AP1M1: variants seen among roughly 807,000 people sequenced by gnomAD.
AP1M1 encodes the protein adaptor related protein complex 1 subunit mu 1, also known as AP-1 complex subunit mu-1.
Under a neutral mutation model 57.1 loss-of-function variants are expected in AP1M1, and 18 were observed. The ratio of observed to expected loss-of-function variants is 0.32; its 90% confidence interval spans 0.22 to 0.47. AP1M1 has a LOEUF of 0.47. Ranked by LOEUF, AP1M1 falls within the 20% of genes least tolerant of loss-of-function variation. The probability of loss-of-function intolerance (pLI) is 1.00; values close to 1 mark genes in which losing one functional copy is unlikely to be tolerated. For missense variants in AP1M1, 362 were observed against 593.5 expected (o/e 0.61, Z 4.05); for synonymous variants, 241 against 237.9 (o/e 1.01, Z -0.12).
chr19:16,217,727 C>T (rs1223237383), intron 5 of AP1M1, among the ~76,000 whole-genome samples: 1 of 152,142 alleles, frequency 6.6e-6, no homozygotes, highest in Non-Finnish European at 1.5e-5. Flanking sequence ...TGACAGTTCC[C>T]CTACGGCTAA....
In AP1M1 at chr19:16,234,925, C is replaced by CA. The variant is rs2091618642; in HGVS notation, c.*491dup. On this transcript the variant is annotated 3_prime_UTR_variant, in exon 12 of 12. Coordinates refer to ENST00000291439, the MANE Select transcript of AP1M1 (RefSeq NM_032493.4). ...CATTCGTTGCTGTTTGTGTTACCCTCACTGTCCCCATGTCCCACCCACGTC... is the reference window on the plus strand; with the variant it reads ...CATTCGTTGCTGTTTGTGTTACCCTCAACTGTCCCCATGTCCCACCCACGTC... 5.7e-6 allele frequency: 1 copy of CA among 175,070 alleles called. No homozygotes were observed. Among genetic ancestry groups the CA allele is most frequent in the Non-Finnish European group, 1.2e-5 (1 of 81,722 alleles). The allele number at this position is 175,070 out of a possible 1,614,324, so 10.8% of individuals were successfully genotyped here.
chr19:16,211,000 G>A (rs1013665607), intron 5 of AP1M1, among the ~76,000 whole-genome samples: 5 of 152,000 alleles, frequency 3.3e-5, no homozygotes, highest in Admixed American at 1.3e-4. Context: ...GTTGAGCCTT[G>A]ATAGTTCTTT....
At position 16,234,288 on chromosome 19, in the gene AP1M1, T is replaced by C. The variant is rs897774; in HGVS notation, c.1249+14T>C. The C allele has an allele frequency of 0.76, 1,230,163 of 1,612,836 alleles. 476,332 individuals are homozygous for C. The highest frequency in any genetic ancestry group is 0.8 in the Non-Finnish European group (945,936 of 1,179,354). On this transcript the variant is annotated intron_variant, in intron 11 of 11. Coordinates refer to ENST00000291439, the MANE Select transcript of AP1M1 (RefSeq NM_032493.4). Reference sequence around the variant, plus strand: ...CGCAGAATGGAGGTGAGTGAGGCCCTACCCGTGGGGTGGGGTTGTACTGAG... The same window carrying C: ...CGCAGAATGGAGGTGAGTGAGGCCCCACCCGTGGGGTGGGGTTGTACTGAG...
rs565586554 is a variant in AP1M1 at position 16,229,721 on chromosome 19, A to C, written c.1047+793A>C. Among the ~76,000 whole-genome samples, 8 of 152,238 alleles carry C rather than the reference A, an allele frequency of 5.3e-5. No homozygotes were observed. In the South Asian group the frequency reaches 1.2e-3, roughly 24 times the overall value. Reference sequence around the variant, plus strand: ...CTAATCACATGACATAAAATACAGAAAGTAGAGGAAGGAGAGAGAAAAGCC... The same window carrying C: ...CTAATCACATGACATAAAATACAGACAGTAGAGGAAGGAGAGAGAAAAGCC... On this transcript the variant is annotated intron_variant, in intron 9 of 11. Transcript: ENST00000291439.
rs1442179740 is a variant in AP1M1, at chr19:16,244,875, TTTG to T, written c.*10446_*10448del. On this transcript the variant is annotated 3_prime_UTR_variant, in exon 12 of 12. Transcript: ENST00000291439. ...AAATAAATAAATAACATGGATAAAATTTGTTGTTTGTTGTTGTTGTTGTTGTTG... is the reference window on the plus strand; with the variant it reads ...AAATAAATAAATAACATGGATAAAATTTGTTTGTTGTTGTTGTTGTTGTTG... 3.1e-5 allele frequency: 4 copies of T among 127,904 alleles called. No homozygotes were observed. The highest frequency in any genetic ancestry group is 2.4e-4 in the Admixed American group (3 of 12,374). The allele number at this position is 127,904 out of a possible 1,614,324, so 7.9% of individuals were successfully genotyped here.
Position 16,243,470 on chromosome 19 carries a change from A to AG in AP1M1, c.*9036dup, listed in dbSNP as rs1204956657. On this transcript the variant is annotated 3_prime_UTR_variant, in exon 12 of 12. Transcript: ENST00000291439. ...TTTTTTGTATTTTTAGTAGAGATGGAGTTTTGCCATGTTGCCCAGGCTGGT... is the reference window on the plus strand; with the variant it reads ...TTTTTTGTATTTTTAGTAGAGATGGAGGTTTTGCCATGTTGCCCAGGCTGGT... The AG allele has an allele frequency of 1.5e-4, 19 of 124,426 alleles. No individual in the cohort carries two copies. Among genetic ancestry groups the AG allele is most frequent in the African/African-American group, 5.3e-4 (19 of 35,838 alleles). 7.7% of individuals were successfully genotyped at this position (124,426 alleles called of 1,614,324 possible). A position where few individuals can be genotyped will look rare whatever the true frequency, so the allele number is the denominator to read the frequency against.
chr19:16,242,371 A>T lies in AP1M1; in HGVS notation c.*7936A>T, dbSNP rs1056361768. The T allele has an allele frequency of 1.3e-5, 2 of 152,216 alleles. No homozygotes were observed. The highest frequency in any genetic ancestry group is 1.3e-4 in the Admixed American group (2 of 15,268). The allele number at this position is 152,216 out of a possible 1,614,324, so 9.4% of individuals were successfully genotyped here. ...AATGCAGGGATGTTCTAAACTTTTT[A>T]AAATAATAAATAATAGTACTTAAAA... On this transcript the variant is annotated 3_prime_UTR_variant, in exon 12 of 12. Transcript: ENST00000291439.
At position 16,233,631 on chromosome 19, in the gene AP1M1, C is replaced by T; in HGVS notation, c.1173+13C>T. ...CTCCGGCATCCAGGTACGTAAGGCC[C>T]AGGCGGCCGGGGCCCAGAACAGGGA... On this transcript the variant is annotated intron_variant, in intron 10 of 11. Coordinates refer to ENST00000291439, the MANE Select transcript of AP1M1 (RefSeq NM_032493.4). 1.2e-6 allele frequency: 2 copies of T among 1,606,700 alleles called. No individual in the cohort carries two copies. Among genetic ancestry groups the T allele is most frequent in the Non-Finnish European group, 1.7e-6 (2 of 1,176,348 alleles).
In AP1M1 at chr19:16,228,532, G is replaced by A. The variant is rs1033357427; in HGVS notation, c.889-238G>A. 6.6e-5 allele frequency among the ~76,000 whole-genome samples: 10 copies of A among 152,218 alleles called. No individual in the cohort carries two copies. Among genetic ancestry groups the A allele is most frequent in the African/African-American group, 1.9e-4 (8 of 41,460 alleles). Reference sequence around the variant, plus strand: ...CATTGTCCTAGGAGGGCAGGGCAGAGGGAGGGATGAGGAGCCTTGGAAGCT... The same window carrying A: ...CATTGTCCTAGGAGGGCAGGGCAGAAGGAGGGATGAGGAGCCTTGGAAGCT... On this transcript the variant is annotated intron_variant, in intron 8 of 11. Transcript: ENST00000291439. The surrounding 1 kb of genome is among the most constrained non-coding windows in gnomAD (Gnocchi z 5.0).
chr19:16,199,072 T>A (rs568140608), intron 1 of AP1M1, among the ~76,000 whole-genome samples: 2 of 152,258 alleles, frequency 1.3e-5, no homozygotes, highest in South Asian at 4.2e-4. Flanking sequence ...CCTCCCAAAG[T>A]GCTGGGATTA....
At chr19:16,226,736 GAGTGAAGATC>G in intron 6 of AP1M1, 189 bp downstream of exon 6, 1 of 749,164 alleles carries the variant, frequency 1.3e-6, no homozygotes, top group Non-Finnish European at 2.0e-6. Flanking sequence ...AGGTGCAGGG[GAGTGAAGATC>G]CTCCAGTCCA....
chr19:16,226,391 C>CCT, intron 5 of AP1M1, 30 bp from the exon 6 acceptor site: 1 of 1,511,724 alleles, frequency 6.6e-7, no homozygotes, highest in Non-Finnish European at 8.9e-7. Context: ...AGTTGGGGAC[C>CCT]TCCCCTCACG....
At chr19:16,231,967 G>A (rs2091600793) in intron 9 of AP1M1, among the ~76,000 whole-genome samples, 2 of 152,244 alleles carry the variant, frequency 1.3e-5, no homozygotes, top group Admixed American at 1.3e-4. Context: ...CATGGCACAT[G>A]ACACTGTCCA....
intron 5 of AP1M1, among the ~76,000 whole-genome samples, chr19:16,222,929 G>A (rs2091552407): frequency 6.6e-6 from 1 of 152,148 alleles, no homozygotes; most frequent in African/African-American, 2.4e-5. Flanking sequence ...AAAAATAGCT[G>A]TTTAAAGTCT....
intron 2 of AP1M1, among the ~76,000 whole-genome samples, chr19:16,204,744 G>A (rs1196871367): frequency 6.6e-6 from 1 of 152,104 alleles, no homozygotes; most frequent in Non-Finnish European, 1.5e-5. Flanking sequence ...GGGCCGTGCT[G>A]GCCCAGGGCT....
Position 16,226,545 on chromosome 19 carries a change from G to A in AP1M1, c.671G>A (p.Gly224Asp). 1 of 1,581,406 alleles carries A rather than the reference G, an allele frequency of 6.3e-7. No homozygotes were observed. The highest frequency in any genetic ancestry group is 8.6e-7 in the Non-Finnish European group (1 of 1,159,822). ...LNDKVLFDNTGRGKSKSVELE... is the reference protein window; with the variant it reads ...LNDKVLFDNTDRGKSKSVELE... Reference sequence around the variant, plus strand: ...GACAAGGTCCTCTTTGACAACACGGGCCGTGAGTACCCTTGCCAAGGGCCC... The same window carrying A: ...GACAAGGTCCTCTTTGACAACACGGACCGTGAGTACCCTTGCCAAGGGCCC... Residue 224 changes from glycine to aspartate, a missense_variant and splice_region_variant, in exon 6 of 12, where the codon GGC (glycine) becomes GAC (aspartate). By Grantham distance (94) the Gly-to-Asp change is moderately conservative. Coordinates refer to ENST00000291439, the MANE Select transcript of AP1M1 (RefSeq NM_032493.4).
chr19:16,234,083 C>T (rs2145145081), intron 10 of AP1M1, 116 bp from the exon 11 acceptor site: 4 of 994,328 alleles, frequency 4.0e-6, no homozygotes, highest in East Asian at 5.2e-5. Context: ...GGCCTGTGCT[C>T]ATCCTGTCGT....
intron 1 of AP1M1, 112 bp downstream of exon 1, chr19:16,198,180 G>C: frequency 8.0e-7 from 1 of 1,251,172 alleles, no homozygotes. Context: ...CCTGGTGTGA[G>C]GCAGAGAGGC....
At chr19:16,208,233 A>C (rs1272252134) in intron 4 of AP1M1, 84 bp downstream of exon 4, 47 of 1,446,134 alleles carry the variant, frequency 3.3e-5, no homozygotes, top group Non-Finnish European at 4.2e-5. Flanking sequence ...CAGAAGGGGC[A>C]AATTTGTGTT....
Sources: gnomAD v4.1 joint callset for allele counts (sites outside exome capture counted in the v4.1 genomes callset) on GRCh38, gnomAD v4.1.1 for gene constraint, Gnocchi (gnomAD v3.1) non-coding constraint, MANE v1.5 for transcripts, NCBI Gene and HGNC (gene_info 2026-07-23, HGNC 2026-07-21) for gene names.